ARHGEF38: variants seen among roughly 807,000 people sequenced by gnomAD.
ARHGEF38 encodes Rho guanine nucleotide exchange factor 38.
ARHGEF38 carries 79 observed loss-of-function variants against 79.9 expected under a neutral mutation model. The observed-to-expected ratio is 0.99, with a 90% CI of 0.82 to 1.19. The LOEUF (loss-of-function observed/expected upper bound fraction) is 1.19. Among genes scored for constraint, ARHGEF38 ranks in the 50% most tolerant of loss-of-function variants. ARHGEF38 has a pLI of 0.00. For missense variants in ARHGEF38, 962 were observed against 907.2 expected (o/e 1.06, Z -0.78); for synonymous variants, 366 against 328.3 (o/e 1.11, Z -1.24).
At chr4:105,614,489 T>TAA (rs1337690751) in intron 3 of ARHGEF38, among the ~76,000 whole-genome samples, 2 of 152,128 alleles carry the variant, frequency 1.3e-5, no homozygotes, top group Non-Finnish European at 2.9e-5. Flanking sequence ...GTTAGAGTTA[T>TAA]AAAAATGTCA....
At chr4:105,570,975 T>G (rs994379543) in intron 1 of ARHGEF38, among the ~76,000 whole-genome samples, 2 of 152,156 alleles carry the variant, frequency 1.3e-5, no homozygotes, top group African/African-American at 4.8e-5. Context: ...CTAGTCATAT[T>G]CATAGAGACA....
intron 2 of ARHGEF38, among the ~76,000 whole-genome samples, chr4:105,608,040 G>A (rs1728128064): frequency 6.6e-6 from 1 of 152,116 alleles, no homozygotes; most frequent in Non-Finnish European, 1.5e-5. Context: ...AAGCTGGGAA[G>A]TCCCAGATCA....
At chr4:105,602,888 C>T (rs185871448) in intron 2 of ARHGEF38, among the ~76,000 whole-genome samples, 7 of 152,244 alleles carry the variant, frequency 4.6e-5, no homozygotes, top group Admixed American at 1.3e-4. Context: ...GCTCTGCTTC[C>T]TAAAATCAGC....
chr4:105,568,986 A>G (rs1726081695), intron 1 of ARHGEF38, among the ~76,000 whole-genome samples: 1 of 152,234 alleles, frequency 6.6e-6, no homozygotes, highest in Non-Finnish European at 1.5e-5. Context: ...AGAGATCAGT[A>G]AGATTTCAAT....
intron 1 of ARHGEF38, among the ~76,000 whole-genome samples, chr4:105,580,326 T>C (rs1726724983): frequency 6.6e-6 from 1 of 152,210 alleles, no homozygotes; most frequent in Admixed American, 6.5e-5. Context: ...AATTGAGATC[T>C]TTCTAACTTT....
At chr4:105,601,657 G>T (rs957647708) in intron 2 of ARHGEF38, among the ~76,000 whole-genome samples, 22 of 152,204 alleles carry the variant, frequency 1.4e-4, no homozygotes, top group African/African-American at 5.3e-4. Context: ...TCCTGGGGGT[G>T]TTAATTCCTG....
intron 1 of ARHGEF38, among the ~76,000 whole-genome samples, chr4:105,565,675 G>A (rs1312563885): frequency 6.6e-6 from 1 of 152,058 alleles, no homozygotes; most frequent in African/African-American, 2.4e-5. Context: ...GTTACTTAAG[G>A]TAGAAGACTT....
At chr4:105,632,117 G>A (rs760812974) in intron 4 of ARHGEF38, among the ~76,000 whole-genome samples, 4 of 152,260 alleles carry the variant, frequency 2.6e-5, no homozygotes, top group Admixed American at 6.5e-5. Context: ...TGGAGGAGGC[G>A]TTTCCCGGCT....
intron 5 of ARHGEF38, among the ~76,000 whole-genome samples, chr4:105,639,510 ATTT>A (rs1729535688): frequency 6.6e-6 from 1 of 151,934 alleles, no homozygotes; most frequent in African/African-American, 2.4e-5. Context: ...ATATGGTTTA[ATTT>A]TTAGATTTAA....
intron 4 of ARHGEF38, among the ~76,000 whole-genome samples, chr4:105,635,308 G>A (rs980254938): frequency 1.3e-5 from 2 of 151,966 alleles, no homozygotes; most frequent in African/African-American, 4.8e-5. Context: ...ATAATATAGT[G>A]CCACTACTCC....
intron 13 of ARHGEF38, among the ~76,000 whole-genome samples, chr4:105,673,454 G>T (rs1578369114): frequency 1.3e-5 from 2 of 152,246 alleles, no homozygotes; most frequent in Admixed American, 6.5e-5. Context: ...TAGTCGTTTT[G>T]CTACCAATCC....
At chr4:105,635,494 T>G (rs547427567) in intron 4 of ARHGEF38, among the ~76,000 whole-genome samples, 10 of 152,286 alleles carry the variant, frequency 6.6e-5, no homozygotes, top group African/African-American at 2.4e-4. Context: ...AATAACCTTC[T>G]CTTTCAACTT....
intron 7 of ARHGEF38, among the ~76,000 whole-genome samples, chr4:105,651,098 G>T (rs1322007803): frequency 6.6e-6 from 1 of 152,128 alleles, no homozygotes; most frequent in Admixed American, 6.6e-5. Context: ...ATTCTGGGCT[G>T]GCTTTTGAAT....
chr4:105,586,634 G>T (rs375693676), intron 1 of ARHGEF38, among the ~76,000 whole-genome samples: 1 of 152,148 alleles, frequency 6.6e-6, no homozygotes, highest in African/African-American at 2.4e-5. Context: ...TTCCTTTGTC[G>T]ACGATCAGGA....
intron 1 of ARHGEF38, among the ~76,000 whole-genome samples, chr4:105,570,484 G>C (rs7671687): frequency 0.84 from 127,101 of 152,148 alleles, 53,407 homozygotes; most frequent in South Asian, 0.93. Context: ...GTTCCACAGG[G>C]CTGGGGAGGC....
chr4:105,679,530 A>G lies in ARHGEF38; in HGVS notation c.*1593A>G. On this transcript the variant is annotated 3_prime_UTR_variant, in exon 14 of 14. Coordinates refer to ENST00000420470, the MANE Select transcript of ARHGEF38 (RefSeq NM_001242729.2). ...TGGTTCAAAGCTTGATACACCAGAAATGTGGGCTAAAGCTGCAGCCAATGC... is the reference window on the plus strand; with the variant it reads ...TGGTTCAAAGCTTGATACACCAGAAGTGTGGGCTAAAGCTGCAGCCAATGC... 7.7e-7 allele frequency: 1 copy of G among 1,303,504 alleles called. No homozygotes were observed. Among genetic ancestry groups the G allele is most frequent in the Non-Finnish European group, 1.1e-6 (1 of 899,448 alleles). The allele number at this position is 1,303,504 out of a possible 1,614,324, so 80.7% of individuals were successfully genotyped here. A position where few individuals can be genotyped will look rare whatever the true frequency, so the allele number is the denominator to read the frequency against.
At chr4:105,640,748 C>T (rs1161052696) in intron 5 of ARHGEF38, among the ~76,000 whole-genome samples, 1 of 152,114 alleles carries the variant, frequency 6.6e-6, no homozygotes, top group Non-Finnish European at 1.5e-5. Context: ...GTTTGATTTG[C>T]TATCGAATTC....
At chr4:105,583,471 C>A (rs1254459523) in intron 1 of ARHGEF38, among the ~76,000 whole-genome samples, 1 of 152,076 alleles carries the variant, frequency 6.6e-6, no homozygotes, top group Non-Finnish European at 1.5e-5. Flanking sequence ...TTCCACTGAC[C>A]AGTTCATCTG....
At chr4:105,589,611 A>C (rs1046298311) in intron 2 of ARHGEF38, among the ~76,000 whole-genome samples, 176 bp downstream of exon 2, 3 of 152,152 alleles carry the variant, frequency 2.0e-5, no homozygotes, top group Non-Finnish European at 4.4e-5. Flanking sequence ...GCCCTTGTGG[A>C]GTTCACTTTC....
Sources: gnomAD v4.1 joint callset for allele counts (sites outside exome capture counted in the v4.1 genomes callset) on GRCh38, gnomAD v4.1.1 for gene constraint, MANE v1.5 for transcripts, NCBI Gene and HGNC (gene_info 2026-07-23, HGNC 2026-07-21) for gene names.